The following HSF2 variants were observed in gnomAD, a reference collection of about 807,000 sequenced individuals.
The protein encoded by HSF2 is heat shock factor protein 2.
A neutral mutation model predicts 65.0 loss-of-function variants in HSF2; 21 were observed. The ratio of observed to expected loss-of-function variants is 0.32; its 90% CI spans 0.23 to 0.47. HSF2 has a LOEUF of 0.47. Ranked by LOEUF, HSF2 falls within the 20% of genes least tolerant of loss-of-function variation. The pLI, the probability that HSF2 is intolerant of heterozygous loss-of-function variation, is 1.00. For synonymous variants in HSF2, 225 were observed against 219.1 expected (o/e 1.03, Z -0.24); for missense variants, 499 against 628.1 (o/e 0.79, Z 2.20).
rs373982892 is a variant in HSF2, at chr6:122,406,748, CTT to C, written c.94-5623_94-5622del. 6.4e-3 allele frequency among the ~76,000 whole-genome samples: 981 copies of C among 152,122 alleles called. 7 individuals are homozygous for C. The highest frequency in any genetic ancestry group is 0.022 in the African/African-American group (917 of 41,508). Reference sequence around the variant, plus strand: ...TTAGAGATTCTTTTTGGCATATTAACTTTGAGATTAAAAATGGATCTCTAGTA... The same window carrying C: ...TTAGAGATTCTTTTTGGCATATTAACTGAGATTAAAAATGGATCTCTAGTA... On this transcript the variant is annotated intron_variant, in intron 1 of 12. Coordinates refer to ENST00000368455, the MANE Select transcript of HSF2 (RefSeq NM_004506.4).
At chr6:122,428,548 A>G (rs1049131474) in intron 11 of HSF2, among the ~76,000 whole-genome samples, 6 of 152,156 alleles carry the variant, frequency 3.9e-5, no homozygotes, top group African/African-American at 1.2e-4. Context: ...TGAAGTTATT[A>G]GAGCAGGTGT....
At chr6:122,411,216 C>A (rs1024114844) in intron 1 of HSF2, among the ~76,000 whole-genome samples, 1 of 151,554 alleles carries the variant, frequency 6.6e-6, no homozygotes. Flanking sequence ...GTGTTACTGA[C>A]CATCTTTTTA....
chr6:122,426,095 T>A (rs1774334185), intron 10 of HSF2, among the ~76,000 whole-genome samples: 1 of 152,118 alleles, frequency 6.6e-6, no homozygotes, highest in Non-Finnish European at 1.5e-5. Context: ...GCCATCCCTA[T>A]ATTCTGTTTT....
At chr6:122,402,016 G>A (rs377204093) in intron 1 of HSF2, among the ~76,000 whole-genome samples, 77 of 152,290 alleles carry the variant, frequency 5.1e-4, no homozygotes, top group African/African-American at 1.8e-3. Context: ...AATTCATAAA[G>A]TTTCTTAAAG....
Position 122,412,127 on chromosome 6 carries a change from T to A in HSF2, c.94-246T>A, listed in dbSNP as rs543969936. ...GAAGTTCTAATATTTCACCATAGAGTGTGATGTGGCATTTGGTTTGAGATA... is the reference window on the plus strand; with the variant it reads ...GAAGTTCTAATATTTCACCATAGAGAGTGATGTGGCATTTGGTTTGAGATA... On this transcript the variant is annotated intron_variant, in intron 1 of 12. Coordinates refer to ENST00000368455, the MANE Select transcript of HSF2 (RefSeq NM_004506.4). Among the ~76,000 whole-genome samples, 6 of 151,970 alleles carry A rather than the reference T, an allele frequency of 3.9e-5. No individual in the cohort carries two copies. In the South Asian group the frequency reaches 1.2e-3, roughly 31 times the overall value.
chr6:122,404,293 C>T (rs1231195546), intron 1 of HSF2, among the ~76,000 whole-genome samples: 1 of 152,062 alleles, frequency 6.6e-6, no homozygotes, highest in Non-Finnish European at 1.5e-5. Context: ...TTTGAACATC[C>T]CAGCAACCAT....
upstream of HSF2, chr6:122,399,603 C>T (rs1315516542): frequency 3.1e-6 from 2 of 644,534 alleles, no homozygotes; most frequent in African/African-American, 2.1e-5. Context: ...GCGCGCCTGG[C>T]GGGGTTGGGG....
chr6:122,405,685 G>A (rs1485908438), intron 1 of HSF2, among the ~76,000 whole-genome samples: 2 of 152,118 alleles, frequency 1.3e-5, no homozygotes, highest in Non-Finnish European at 2.9e-5. Context: ...GCAAACTGTA[G>A]TCCTTTTGCC....
intron 5 of HSF2, 45 bp from the exon 6 acceptor site, chr6:122,419,123 G>T (rs761158829): frequency 2.2e-6 from 2 of 914,858 alleles, no homozygotes; most frequent in East Asian, 5.2e-5. Flanking sequence ...AGAGACAAAA[G>T]AATTAACAGT....
chr6:122,423,706 T>A lies in HSF2; in HGVS notation c.1176+20T>A. On this transcript the variant is annotated intron_variant, in intron 10 of 12. Coordinates refer to ENST00000368455, the MANE Select transcript of HSF2 (RefSeq NM_004506.4). The stretch of plus-strand genomic sequence containing the variant: ...GTTGATGTAGGTACTTTGGGTAATC[T>A]TTGCTATACTGGTAGTTTGTGTGTT... 1 of 1,322,492 alleles carries A rather than the reference T, an allele frequency of 7.6e-7. No individual in the cohort carries two copies. The highest frequency in any genetic ancestry group is 1.1e-6 in the Non-Finnish European group (1 of 922,044). The allele number at this position is 1,322,492 out of a possible 1,614,324, so 81.9% of individuals were successfully genotyped here.
intron 11 of HSF2, among the ~76,000 whole-genome samples, chr6:122,430,921 T>C (rs962746309): frequency 6.6e-6 from 1 of 152,114 alleles, no homozygotes; most frequent in Non-Finnish European, 1.5e-5. Context: ...CACCTCAACT[T>C]TGAGGCTTCT....
At chr6:122,407,581 C>T (rs1773894207) in intron 1 of HSF2, among the ~76,000 whole-genome samples, 1 of 104,778 alleles carries the variant, frequency 9.5e-6, no homozygotes, top group Non-Finnish European at 2.0e-5. Flanking sequence ...GTTTGTTTTG[C>T]CATTTTTCTG....
In HSF2 at chr6:122,432,908, G is replaced by T. The variant is rs1011263390; in HGVS notation, c.*688G>T. The stretch of plus-strand genomic sequence containing the variant: ...GTTTTAAATAAAGGTTTTCCGGTTT[G>T]TGTTTTTTTGAACCATACTGTTTAG... On this transcript the variant is annotated 3_prime_UTR_variant, in exon 13 of 13. Coordinates refer to ENST00000368455, the MANE Select transcript of HSF2 (RefSeq NM_004506.4). 5.9e-5 allele frequency: 9 copies of T among 152,176 alleles called. No homozygotes were observed. Among genetic ancestry groups the T allele is most frequent in the Admixed American group, 2.6e-4 (4 of 15,276 alleles). 9.4% of individuals were successfully genotyped at this position (152,176 alleles called of 1,614,324 possible). A position where few individuals can be genotyped will look rare whatever the true frequency, so the allele number is the denominator to read the frequency against.
At position 122,432,316 on chromosome 6, in the gene HSF2, G is replaced by T. The variant is rs1353155052; in HGVS notation, c.*96G>T. 1 of 1,056,644 alleles carries T rather than the reference G, an allele frequency of 9.5e-7. No individual in the cohort carries two copies. The highest frequency in any genetic ancestry group is 2.5e-5 in the East Asian group (1 of 40,612). 65.5% of individuals were successfully genotyped at this position (1,056,644 alleles called of 1,614,324 possible). On this transcript the variant is annotated 3_prime_UTR_variant, in exon 13 of 13. Transcript: ENST00000368455. ...TGGTACTTTTTTTGTAAATTGCTTT[G>T]TTTTGTTTAATCAGATACTGTGGAA...
At chr6:122,419,260 G>C (rs1562203191) in intron 6 of HSF2, 31 bp downstream of exon 6, 1 of 1,075,392 alleles carries the variant, frequency 9.3e-7, no homozygotes, top group Non-Finnish European at 1.4e-6. Context: ...ATTATGTCCT[G>C]TATATAGGCA....
chr6:122,408,625 C>A (rs530384586), intron 1 of HSF2, among the ~76,000 whole-genome samples: 14 of 152,114 alleles, frequency 9.2e-5, no homozygotes, highest in African/African-American at 2.9e-4. Flanking sequence ...AATCAGTGAG[C>A]AAATCATTTT....
At chr6:122,422,994 CT>C (rs1353824601) in intron 9 of HSF2, 37 bp downstream of exon 9, 53 of 1,607,454 alleles carry the variant, frequency 3.3e-5, no homozygotes, top group Middle Eastern at 1.7e-4. Flanking sequence ...AAATTATTTG[CT>C]TTCTTTGTTC....
Position 122,416,820 on chromosome 6 carries a change from T to C in HSF2, c.531+524T>C, listed in dbSNP as rs565537617. Among the ~76,000 whole-genome samples, 15 of 152,342 alleles carry C rather than the reference T, an allele frequency of 9.8e-5. No homozygotes were observed. In the East Asian group the frequency reaches 2.9e-3, roughly 29 times the overall value. Reference sequence around the variant, plus strand: ...GTGTTGTAAAATGAATTTTAGATTTTAGTATCTGAGCTGAAAATTTAATAG... The same window carrying C: ...GTGTTGTAAAATGAATTTTAGATTTCAGTATCTGAGCTGAAAATTTAATAG... On this transcript the variant is annotated intron_variant, in intron 5 of 12. Coordinates refer to ENST00000368455, the MANE Select transcript of HSF2 (RefSeq NM_004506.4).
In HSF2 at chr6:122,422,759, A is replaced by G. The variant is rs774480168; in HGVS notation, c.872A>G (p.Asn291Ser). 52 of 1,613,414 alleles carry G rather than the reference A, an allele frequency of 3.2e-5. No homozygotes were observed. The highest frequency in any genetic ancestry group is 2.4e-4 in the South Asian group (22 of 91,078). ...YPDIVIVEDDNEDEYAPVIQS... is the reference protein window; with the variant it reads ...YPDIVIVEDDSEDEYAPVIQS... ...GATATTGTCATCGTTGAAGATGACA[A>G]TGAAGATGAGTATGCACCTGTCATT... The change falls in exon 9 of 13, where the codon AAT (asparagine) becomes AGT (serine). Residue 291 changes from asparagine (N) to serine (S), a missense_variant. Transcript: ENST00000368455.
Sources: allele counts gnomAD v4.1 joint callset (sites outside exome capture counted in the v4.1 genomes callset), GRCh38; gene constraint gnomAD v4.1.1; transcripts MANE v1.5; gene names NCBI Gene and HGNC (gene_info 2026-07-23, HGNC 2026-07-21).